PFKP: variants seen among roughly 807,000 people sequenced by gnomAD.
The protein encoded by PFKP is ATP-dependent 6-phosphofructokinase, platelet type.
A neutral mutation model predicts 94.3 loss-of-function variants in PFKP; 101 were observed. That is an observed-to-expected ratio of 1.07 (90% CI 0.91 to 1.26). The LOEUF is 1.26. Among genes scored for constraint, PFKP ranks in the 50% most tolerant of loss-of-function variants. The probability of loss-of-function intolerance (pLI) is 0.00; values close to 1 mark genes in which losing one functional copy is unlikely to be tolerated. For missense variants in PFKP, 1,145 were observed against 1,103.3 expected, an observed-to-expected ratio of 1.04 and a Z score of -0.53; for synonymous variants, 573 against 432.6, an observed-to-expected ratio of 1.32 and a Z score of -4.03.
At chr10:3,079,185 G>A (rs1485543896) in intron 1 of PFKP, among the ~76,000 whole-genome samples, 1 of 152,126 alleles carries the variant, frequency 6.6e-6, no homozygotes, top group Non-Finnish European at 1.5e-5. Flanking sequence ...TAGTGCTGGG[G>A]TGCATTTTTA....
intron 10 of PFKP, among the ~76,000 whole-genome samples, chr10:3,111,963 C>T (rs1411830913): frequency 6.6e-6 from 1 of 152,172 alleles, no homozygotes; most frequent in Non-Finnish European, 1.5e-5. Flanking sequence ...GTGACACCTT[C>T]TCTTTTTCCT....
In PFKP at chr10:3,109,441, C is replaced by A; in HGVS notation, c.1050C>A (p.Asn350Lys). The A allele has an allele frequency of 6.2e-7, 1 of 1,607,616 alleles. No individual in the cohort carries two copies. The highest frequency in any genetic ancestry group is 1.1e-5 in the South Asian group (1 of 91,042). The change falls in exon 10 of 22, where the codon AAC becomes AAA. Residue 350 changes from asparagine (N) to lysine (K), a missense_variant. By Grantham distance (94) the Asn-to-Lys change is moderately conservative (BLOSUM62 0). Around this residue, in one of 3 missense-constraint regions of PFKP, gnomAD observed 1,119 missense variants for 1,062.8 expected, o/e 1.05. Coordinates refer to ENST00000381125, the MANE Select transcript of PFKP (RefSeq NM_002627.5). ...TPACVVSLNG[N>K]HAVRLPLMEC... ...CTTGCGTCGTGTCACTGAACGGGAA[C>A]CACGCCGTGCGCCTGCCGCTGATGG...
intron 2 of PFKP, among the ~76,000 whole-genome samples, chr10:3,086,973 ATGTT>A (rs890399745): frequency 1.2e-4 from 17 of 142,700 alleles, no homozygotes; most frequent in African/African-American, 3.9e-4. Context: ...GCTTTCTCTG[ATGTT>A]TGTTTGTTTT....
rs753299847 is a variant in PFKP at position 3,067,720 on chromosome 10, C to T, written c.112+13C>T. On this transcript the variant is annotated intron_variant, in intron 1 of 21. Transcript: ENST00000381125. Reference sequence around the variant, plus strand: ...GGGGATGCTCAAGGTGCGCGCCCCCCTCCCGGCGGCGAGGGAGGGACGGAC... The same window carrying T: ...GGGGATGCTCAAGGTGCGCGCCCCCTTCCCGGCGGCGAGGGAGGGACGGAC... 63 of 1,410,996 alleles carry T rather than the reference C, an allele frequency of 4.5e-5. No individual in the cohort carries two copies. The highest frequency in any genetic ancestry group is 5.5e-5 in the Non-Finnish European group (58 of 1,053,314). 87.4% of individuals were successfully genotyped at this position (1,410,996 alleles called of 1,614,324 possible).
rs558958582 is a variant in PFKP, at chr10:3,113,918, G to T, written c.1371+400G>T. Among the ~76,000 whole-genome samples, 5 of 152,240 alleles carry T rather than the reference G, an allele frequency of 3.3e-5. No homozygotes were observed. The South Asian group carries it at 1.0e-3, about 32-fold the overall frequency. On this transcript the variant is annotated intron_variant, in intron 13 of 21. Transcript: ENST00000381125. ...GAAATACAAACCTTAGTGAACACAG[G>T]TAACACCCCTTGATGTGTGCTGTAT...
At chr10:3,075,579 C>T (rs973232167) in intron 1 of PFKP, among the ~76,000 whole-genome samples, 2 of 142,168 alleles carry the variant, frequency 1.4e-5, no homozygotes, top group South Asian at 2.5e-4. Context: ...ATCTAGTTGC[C>T]GCATTAAAGA....
chr10:3,068,127 C>A (rs1185740396), intron 1 of PFKP, among the ~76,000 whole-genome samples: 1 of 152,160 alleles, frequency 6.6e-6, no homozygotes, highest in Non-Finnish European at 1.5e-5. Flanking sequence ...CGGGGCCGGG[C>A]GTCCCCTCCG....
In PFKP at chr10:3,108,751, C is replaced by A. The variant is rs752473997; in HGVS notation, c.921C>A (p.His307Gln). The A allele has an allele frequency of 1.2e-6, 2 of 1,613,898 alleles. No homozygotes were observed. The highest frequency in any genetic ancestry group is 2.2e-5 in the South Asian group (2 of 91,074). The change falls in exon 9 of 22, where the codon CAC (histidine) becomes CAA (glutamine). Residue 307 changes from histidine to glutamine, a missense_variant. His to Gln is a conservative substitution (Grantham distance 24). Around this residue, in one of 3 missense-constraint regions of PFKP, gnomAD observed 1,119 missense variants for 1,062.8 expected, o/e 1.05. Transcript: ENST00000381125. ...GYDTRVTILG[H>Q]VQRGGTPSAF... is the part of the protein sequence containing the mutation. The stretch of plus-strand genomic sequence containing the variant: ...ACACACGTGTGACCATCCTCGGGCA[C>A]GTGCAGAGAGGAGGGACCCCTTCGG...
At chr10:3,097,348 A>C (rs34538474) in intron 2 of PFKP, among the ~76,000 whole-genome samples, 1 of 151,786 alleles carries the variant, frequency 6.6e-6, no homozygotes, top group Admixed American at 6.6e-5. Flanking sequence ...TGCAGAGGCG[A>C]GGTCTGCATC....
intron 16 of PFKP, chr10:3,129,537 T>G: frequency 2.3e-6 from 1 of 429,510 alleles, no homozygotes; most frequent in Non-Finnish European, 4.2e-6. Flanking sequence ...CGTCCCCTTC[T>G]ATGGGGCCTG....
chr10:3,103,863 G>A lies in PFKP; in HGVS notation c.539G>A (p.Gly180Asp). ...GGCTCCATCGACAATGATTTCTGCG[G>A]CACCGACATGACCATCGGCACGGAC... is the stretch of plus-strand genomic sequence containing the variant. ...MVGSIDNDFC[G>D]TDMTIGTDSA... Residue 180 changes from glycine to aspartate, a missense_variant, in exon 5 of 22, where the codon GGC becomes GAC. Around this residue, in one of 3 missense-constraint regions of PFKP, gnomAD observed 1,119 missense variants for 1,062.8 expected, o/e 1.05. Coordinates refer to ENST00000381125, the MANE Select transcript of PFKP (RefSeq NM_002627.5). 5 of 1,614,028 alleles carry A rather than the reference G, an allele frequency of 3.1e-6. No individual in the cohort carries two copies. Among genetic ancestry groups the A allele is most frequent in the Non-Finnish European group, 4.2e-6 (5 of 1,180,026 alleles).
At chr10:3,102,936 G>T (rs886334682) in intron 4 of PFKP, among the ~76,000 whole-genome samples, 6 of 152,206 alleles carry the variant, frequency 3.9e-5, no homozygotes, top group Non-Finnish European at 5.9e-5. Context: ...GCACAGACCG[G>T]GACAGTGGCC....
In PFKP at chr10:3,119,995, G is replaced by A; in HGVS notation, c.1634G>A (p.Gly545Asp). 6.2e-7 allele frequency: 1 copy of A among 1,614,150 alleles called. No homozygotes were observed. Among genetic ancestry groups the A allele is most frequent in the Non-Finnish European group, 8.5e-7 (1 of 1,179,992 alleles). The part of the protein sequence containing the change: ...VPATVSNNVP[G>D]SDFSIGADTA... ...GCTACTGTGTCCAACAATGTGCCGG[G>A]TTCCGATTTCAGCATCGGGGCAGAC... The change falls in exon 16 of 22, where the codon GGT (glycine) becomes GAT (aspartate). Residue 545 changes from glycine to aspartate, a missense_variant. Transcript: ENST00000381125.
intron 1 of PFKP, among the ~76,000 whole-genome samples, chr10:3,080,183 A>G (rs890164535): frequency 9.9e-5 from 15 of 152,136 alleles, no homozygotes; most frequent in Admixed American, 3.3e-4. Flanking sequence ...TTCTTCCAGT[A>G]GCCCTGGGAA....
intron 13 of PFKP, among the ~76,000 whole-genome samples, chr10:3,113,775 G>T (rs1282026779): frequency 1.3e-5 from 2 of 152,038 alleles, no homozygotes; most frequent in Non-Finnish European, 1.5e-5. Context: ...TGCCTCTGGG[G>T]TCTGATGGCC....
chr10:3,086,136 C>T (rs1458706844), intron 2 of PFKP, among the ~76,000 whole-genome samples: 1 of 152,116 alleles, frequency 6.6e-6, no homozygotes. Context: ...TTATAATTCG[C>T]AAAATGTTTT....
At chr10:3,117,284 A>C (rs913038094) in intron 14 of PFKP, among the ~76,000 whole-genome samples, 19 of 152,176 alleles carry the variant, frequency 1.2e-4, no homozygotes, top group African/African-American at 4.6e-4. Flanking sequence ...AGCCGAGGAA[A>C]GGACCCAAGG....
At chr10:3,116,743 C>CT in intron 13 of PFKP, 33 bp from the exon 14 acceptor site, 3 of 1,554,774 alleles carry the variant, frequency 1.9e-6, no homozygotes, top group Non-Finnish European at 2.7e-6. Context: ...TCATTGTTCA[C>CT]TTTAGCTGTT....
chr10:3,095,879 T>C (rs1158215924), intron 2 of PFKP, among the ~76,000 whole-genome samples: 1 of 152,238 alleles, frequency 6.6e-6, no homozygotes, highest in African/African-American at 2.4e-5. Context: ...GAATGAGTCA[T>C]TTCCTAGCAA....
Sources: allele counts gnomAD v4.1 joint callset (sites outside exome capture counted in the v4.1 genomes callset), GRCh38; gene constraint gnomAD v4.1.1; regional missense constraint gnomAD v4.1.1; transcripts MANE v1.5; gene names NCBI Gene and HGNC (gene_info 2026-07-23, HGNC 2026-07-21).